ZNF814: variants seen among roughly 807,000 people sequenced by gnomAD.
ZNF814 encodes the protein zinc finger protein 814.
A neutral mutation model predicts 7.5 loss-of-function variants in ZNF814; 5 were observed. The ratio of observed to expected loss-of-function variants is 0.67; its 90% confidence interval spans 0.35 to 1.40. The LOEUF is 1.40. Among genes scored for constraint, ZNF814 ranks in the 40% most tolerant of loss-of-function variants. ZNF814 has a pLI of 0.04. For missense variants in ZNF814, 962 were observed against 1,018.0 expected, an observed-to-expected ratio of 0.94 and a Z score of 0.75; for synonymous variants, 315 against 340.7, an observed-to-expected ratio of 0.92 and a Z score of 0.83.
At chr19:57,875,664 T>C (rs1363110430) in intron 2 of ZNF814, among the ~76,000 whole-genome samples, 1 of 152,084 alleles carries the variant, frequency 6.6e-6, no homozygotes, top group Non-Finnish European at 1.5e-5. Context: ...ACACTGTAGA[T>C]GGTGACGTAT....
intron 1 of ZNF814, chr19:57,885,742 A>G (rs539917762): frequency 1.8e-4 from 28 of 152,270 alleles, no homozygotes; most frequent in African/African-American, 6.3e-4. Flanking sequence ...TAGTAGCACA[A>G]CAGGGTGACT....
intron 1 of ZNF814, 100 bp from the exon 2 acceptor site, chr19:57,877,142 G>T: frequency 1.3e-6 from 2 of 1,537,680 alleles, no homozygotes; most frequent in Non-Finnish European, 1.8e-6. Context: ...CTCCTCTCAA[G>T]GTCCTCAAAC....
upstream of ZNF814, among the ~76,000 whole-genome samples, chr19:57,892,335 T>C (rs1210019956): frequency 6.6e-6 from 1 of 152,228 alleles, no homozygotes; most frequent in Non-Finnish European, 1.5e-5. Context: ...TATACCCAGA[T>C]AAAGAATGAG....
In ZNF814 at chr19:57,883,000, C is replaced by A. The variant is rs539268947; in HGVS notation, c.36+5767G>T. ...AAGATAGCTATTTTGAGGAATTTCT[C>A]AAGACAAACACGGAGAAAGAATTCA... On this transcript the variant is annotated intron_variant, in intron 1 of 2. Transcript: ENST00000435989. Among the ~76,000 whole-genome samples the A allele has an allele frequency of 1.1e-4, 16 of 152,256 alleles. No homozygotes were observed. The South Asian group carries it at 3.1e-3, about 30-fold the overall frequency.
intron 1 of ZNF814, among the ~76,000 whole-genome samples, chr19:57,878,166 C>CAAAA (rs60614715): frequency 3.4e-5 from 3 of 88,436 alleles, no homozygotes; most frequent in Non-Finnish European, 4.4e-5. Flanking sequence ...AACTCTGTCT[C>CAAAA]AAAAAAAAAA....
At chr19:57,890,374 C>T (rs1203236600), upstream of ZNF814, among the ~76,000 whole-genome samples, 1 of 151,996 alleles carries the variant, frequency 6.6e-6, no homozygotes, top group Non-Finnish European at 1.5e-5. Flanking sequence ...TGTTTGTTTT[C>T]TGAGACAGAA....
intron 1 of ZNF814, among the ~76,000 whole-genome samples, chr19:57,888,040 C>G (rs1034938662): frequency 2.0e-5 from 3 of 152,216 alleles, no homozygotes; most frequent in African/African-American, 7.2e-5. Context: ...CAAGCCCCTT[C>G]CTCGGGGCCG....
upstream of ZNF814, among the ~76,000 whole-genome samples, chr19:57,889,484 G>A (rs1031669460): frequency 6.6e-6 from 1 of 152,218 alleles, no homozygotes; most frequent in Non-Finnish European, 1.5e-5. Context: ...AGAATCGCTT[G>A]AGCTCAGGAG....
chr19:57,878,749 G>A (rs564477138), intron 1 of ZNF814, among the ~76,000 whole-genome samples: 23 of 152,270 alleles, frequency 1.5e-4, no homozygotes, highest in African/African-American at 5.5e-4. Flanking sequence ...GTGAGCCGCT[G>A]CACCTGTTCA....
chr19:57,877,959 G>A (rs557945119), intron 1 of ZNF814, among the ~76,000 whole-genome samples: 75 of 152,104 alleles, frequency 4.9e-4, no homozygotes, highest in African/African-American at 1.8e-3. Context: ...GAGGTCCGGA[G>A]TTTCAGACCA....
In ZNF814 at chr19:57,875,265, C is replaced by T. The variant is rs201678553; in HGVS notation, c.164-39G>A. 1,560 of 1,530,554 alleles carry T rather than the reference C, an allele frequency of 1.0e-3. 2 individuals carry two copies. The highest frequency in any genetic ancestry group is 1.3e-3 in the Non-Finnish European group (1,429 of 1,137,424). The allele number at this position is 1,530,554 out of a possible 1,614,324, so 94.8% of individuals were successfully genotyped here. A position where few individuals can be genotyped will look rare whatever the true frequency, so the allele number is the denominator to read the frequency against. ...AATGCTGGTGAAGTGCATGTTAACT[C>T]TGGTGGGAAGGCACAGACCACCCAC... On this transcript the variant is annotated intron_variant, in intron 2 of 2. Transcript: ENST00000435989.
At chr19:57,889,719 A>G (rs947973249), upstream of ZNF814, among the ~76,000 whole-genome samples, 2 of 151,548 alleles carry the variant, frequency 1.3e-5, no homozygotes, top group African/African-American at 4.9e-5. Context: ...ACAAAAATTA[A>G]CCCACATGGT....
At chr19:57,876,780 C>T (rs1186228982) in intron 2 of ZNF814, 136 bp downstream of exon 2, 2 of 1,455,024 alleles carry the variant, frequency 1.4e-6, no homozygotes, top group Non-Finnish European at 9.2e-7. Flanking sequence ...CTCAGACCTA[C>T]CAACCAAGAA....
At chr19:57,875,713 T>G (rs1335805831) in intron 2 of ZNF814, among the ~76,000 whole-genome samples, 1 of 151,994 alleles carries the variant, frequency 6.6e-6, no homozygotes, top group East Asian at 1.9e-4. Flanking sequence ...ATATGAAGAT[T>G]AGATAGGAGA....
chr19:57,880,602 C>CT (rs376416557), intron 1 of ZNF814, among the ~76,000 whole-genome samples: 7 of 125,586 alleles, frequency 5.6e-5, no homozygotes, highest in South Asian at 2.3e-4. Flanking sequence ...AACAGAACAC[C>CT]TTTTTTTTTT....
At chr19:57,901,013 AT>A in the ZNF814 span, among the ~76,000 whole-genome samples, 1 of 150,930 alleles carries the variant, frequency 6.6e-6, no homozygotes. Flanking sequence ...CGCCCGGCTA[AT>A]TTTTTTTGTA....
Position 57,873,559 on chromosome 19 carries a change from T to G in ZNF814, c.1831A>C (p.Lys611Gln). The change falls in exon 3 of 3, where the codon AAA becomes CAA. Residue 611 changes from lysine to glutamine, a missense_variant. Around this residue, in one of 7 missense-constraint regions of ZNF814, gnomAD observed 665 missense variants for 551.4 expected, o/e 1.21. Coordinates refer to ENST00000435989, the MANE Select transcript of ZNF814 (RefSeq NM_001144989.2). The part of the protein sequence containing the change: ...ERPYECGECG[K>Q]SFSHKRSLVH... Reference sequence around the variant, plus strand: ...AGGCTGCGCTTATGACTAAAAGATTTCCCACATTCTCCACACTCATAAGGC... The same window carrying G: ...AGGCTGCGCTTATGACTAAAAGATTGCCCACATTCTCCACACTCATAAGGC... 1 of 1,614,098 alleles carries G rather than the reference T, an allele frequency of 6.2e-7. No homozygotes were observed. The highest frequency in any genetic ancestry group is 1.3e-5 in the African/African-American group (1 of 75,014).
At chr19:57,898,671 C>T in the ZNF814 span, among the ~76,000 whole-genome samples, 511 of 152,296 alleles carry the variant, frequency 3.4e-3, no homozygotes, top group Non-Finnish European at 5.7e-3. Context: ...CAGACGGACG[C>T]GGTGGCTCAC....
At position 57,872,085 on chromosome 19, in the gene ZNF814, G is replaced by A. The variant is rs558071867; in HGVS notation, c.*737C>T. On this transcript the variant is annotated 3_prime_UTR_variant, in exon 3 of 3. Transcript: ENST00000435989. ...CACACCACTGCACGCCATCCTGAGC[G>A]ACACAGTGACAACCTGTCTCAAAAA... 1.2e-4 allele frequency among the ~76,000 whole-genome samples: 18 copies of A among 152,240 alleles called. No homozygotes were observed. The highest frequency in any genetic ancestry group is 3.6e-4 in the African/African-American group (15 of 41,554).
Sources: gnomAD v4.1 joint callset for allele counts (sites outside exome capture counted in the v4.1 genomes callset) on GRCh38, gnomAD v4.1.1 for gene constraint, gnomAD v4.1.1 regional missense constraint, MANE v1.5 for transcripts, NCBI Gene and HGNC (gene_info 2026-07-23, HGNC 2026-07-21) for gene names.